DACH2: variants seen among roughly 807,000 people sequenced by gnomAD.
DACH2 encodes the protein dachshund family transcription factor 2.
A neutral mutation model predicts 35.8 loss-of-function variants in DACH2; 17 were observed. That is an observed-to-expected ratio of 0.48 (90% confidence interval 0.33 to 0.71). DACH2 has a LOEUF of 0.71. Among genes scored for constraint, DACH2 ranks in the 30% least tolerant of loss-of-function variants. The pLI is 0.02. For missense variants in DACH2, 469 were observed against 472.7 expected (o/e 0.99, Z 0.07); for synonymous variants, 195 against 177.3 (o/e 1.10, Z -0.79).
At chrX:86,418,221 G>A (rs1420218962) in intron 2 of DACH2, among the ~76,000 whole-genome samples, 1 of 111,686 alleles carries the variant, frequency 9.0e-6, no homozygotes. Flanking sequence ...CACAATGTAA[G>A]CTGTCAGTGG....
chrX:86,434,307 T>C (rs2037032275), intron 2 of DACH2, among the ~76,000 whole-genome samples: 1 of 111,687 alleles, frequency 9.0e-6, no homozygotes, highest in Non-Finnish European at 1.9e-5. Context: ...GGGATATCCA[T>C]CCCCTCAATC....
intron 7 of DACH2, among the ~76,000 whole-genome samples, chrX:86,790,537 T>G (rs1309235029): frequency 8.9e-6 from 1 of 111,939 alleles, no homozygotes; most frequent in Non-Finnish European, 1.9e-5. Context: ...AATTCACATA[T>G]AACTCTTTGT....
At chrX:86,287,945 G>A (rs1247858147) in intron 1 of DACH2, among the ~76,000 whole-genome samples, 3 of 111,685 alleles carry the variant, frequency 2.7e-5, no homozygotes, top group African/African-American at 6.5e-5. Flanking sequence ...CTTGATGCTT[G>A]TATATATTCC....
At chrX:86,739,961 A>T in intron 7 of DACH2, 79 bp downstream of exon 7, 1 of 998,782 alleles carries the variant, frequency 1.0e-6, no homozygotes, top group East Asian at 3.4e-5. Flanking sequence ...GAGGAGAGGG[A>T]AAAGCTGGGG....
intron 1 of DACH2, among the ~76,000 whole-genome samples, chrX:86,295,450 C>A (rs73516068): frequency 8.4e-4 from 94 of 111,769 alleles, no homozygotes; most frequent in Middle Eastern, 9.2e-3. Context: ...CATACCCAAC[C>A]AGTTCACTCT....
chrX:86,195,155 C>T (rs1406563355), intron 1 of DACH2, among the ~76,000 whole-genome samples: 2 of 112,535 alleles, frequency 1.8e-5, no homozygotes, highest in Non-Finnish European at 3.8e-5. Flanking sequence ...GGTTTCCTTG[C>T]CTGCCAGCCA....
At chrX:86,495,603 A>G (rs6617230) in intron 2 of DACH2, among the ~76,000 whole-genome samples, 20,682 of 109,414 alleles carry the variant, frequency 0.19, 1,655 homozygotes, top group African/African-American at 0.27. Flanking sequence ...CGGGGCCAGT[A>G]GTTCAAGACC....
chrX:86,241,111 A>C (rs1399319569), intron 1 of DACH2, among the ~76,000 whole-genome samples: 1 of 112,266 alleles, frequency 8.9e-6, no homozygotes, highest in Non-Finnish European at 1.9e-5. Flanking sequence ...TGTGGAGTCA[A>C]CTTTGGAACT....
intron 2 of DACH2, among the ~76,000 whole-genome samples, chrX:86,407,441 C>T (rs1416327871): frequency 8.9e-6 from 1 of 112,138 alleles, no homozygotes; most frequent in African/African-American, 3.2e-5. Flanking sequence ...TTTTAAACAA[C>T]TCTCTGATTA....
chrX:86,265,732 T>G (rs1488111606), intron 1 of DACH2, among the ~76,000 whole-genome samples: 1 of 111,787 alleles, frequency 8.9e-6, no homozygotes, highest in East Asian at 2.8e-4. Flanking sequence ...TATATTTTAT[T>G]GTCTTAAGGT....
chrX:86,451,734 G>A (rs986974598), intron 2 of DACH2, among the ~76,000 whole-genome samples: 1 of 110,711 alleles, frequency 9.0e-6, no homozygotes, highest in African/African-American at 3.3e-5. Flanking sequence ...TGATTTTTTT[G>A]AGCCGTGGTT....
intron 2 of DACH2, among the ~76,000 whole-genome samples, chrX:86,379,189 T>C (rs1008316363): frequency 1.8e-5 from 2 of 111,521 alleles, no homozygotes; most frequent in Middle Eastern, 4.6e-3. Flanking sequence ...CTAGCAAAAT[T>C]CCTTTATTTT....
intron 7 of DACH2, among the ~76,000 whole-genome samples, chrX:86,757,699 G>A (rs1182829818): frequency 9.0e-6 from 1 of 111,354 alleles, no homozygotes; most frequent in Non-Finnish European, 1.9e-5. Flanking sequence ...TTGTTTAAAA[G>A]TGTGTAGCAT....
intron 1 of DACH2, among the ~76,000 whole-genome samples, chrX:86,278,524 G>A (rs914309636): frequency 8.9e-6 from 1 of 112,460 alleles, no homozygotes; most frequent in Non-Finnish European, 1.9e-5. Flanking sequence ...TGTGTTGATT[G>A]TAATGGTTCC....
intron 7 of DACH2, among the ~76,000 whole-genome samples, chrX:86,745,044 C>T (rs1199867395): frequency 9.0e-6 from 1 of 110,710 alleles, no homozygotes; most frequent in Admixed American, 9.7e-5. Context: ...CAATGGAAAA[C>T]TCTCTATGTG....
chrX:86,528,191 A>T (rs58901050), intron 3 of DACH2, among the ~76,000 whole-genome samples: 109 of 111,517 alleles, frequency 9.8e-4, no homozygotes, highest in African/African-American at 3.3e-3. Context: ...AATTCTTCCT[A>T]CTTCTCAGTT....
Position 86,705,818 on chromosome X carries a change from A to G in DACH2, c.932-8730A>G, listed in dbSNP as rs1378215298. On this transcript the variant is annotated intron_variant, in intron 5 of 11. Coordinates refer to ENST00000373125, the MANE Select transcript of DACH2 (RefSeq NM_053281.3). ...TATGCTTACCACAGCACAATTCACA[A>G]TTGCAAACATATGGAATCGACCTAA... is the stretch of plus-strand genomic sequence containing the variant. 5.4e-5 allele frequency among the ~76,000 whole-genome samples: 6 copies of G among 111,932 alleles called. No individual in the cohort carries two copies. In the East Asian group the frequency reaches 1.7e-3, roughly 31 times the overall value.
chrX:86,408,336 G>A (rs143796763), intron 2 of DACH2, among the ~76,000 whole-genome samples: 264 of 111,666 alleles, frequency 2.4e-3, no homozygotes, highest in African/African-American at 8.2e-3. Context: ...CAGTGTTGTG[G>A]ATACTGGAAT....
At chrX:86,749,630 T>C (rs974014954) in intron 7 of DACH2, among the ~76,000 whole-genome samples, 2 of 111,086 alleles carry the variant, frequency 1.8e-5, no homozygotes, top group South Asian at 7.6e-4. Context: ...CCATAAGTGA[T>C]ATAATAATAA....
Sources: allele counts gnomAD v4.1 joint callset (sites outside exome capture counted in the v4.1 genomes callset), GRCh38; gene constraint gnomAD v4.1.1; transcripts MANE v1.5; gene names NCBI Gene and HGNC (gene_info 2026-07-23, HGNC 2026-07-21).